Variants in UBA6 observed in about 807,000 individuals in gnomAD.
UBA6 encodes the protein ubiquitin-like modifier-activating enzyme 6.
Under a neutral mutation model 148.3 loss-of-function variants are expected in UBA6, and 87 were observed. That is an observed-to-expected ratio of 0.59 (90% CI 0.49 to 0.70). The LOEUF (loss-of-function observed/expected upper bound fraction) is 0.70, where lower values mean the gene tolerates loss of function less well. Among genes scored for constraint, UBA6 ranks in the 30% least tolerant of loss-of-function variants. UBA6 has a pLI of 0.00. For synonymous variants in UBA6, 376 were observed against 401.0 expected, an observed-to-expected ratio of 0.94 and a Z score of 0.75; for missense variants, 1,186 against 1,241.2, an observed-to-expected ratio of 0.96 and a Z score of 0.67.
intron 8 of UBA6, 148 bp downstream of exon 8, chr4:67,670,322 A>G (rs1420220683): frequency 1.5e-6 from 1 of 647,060 alleles, no homozygotes; most frequent in Admixed American, 3.0e-5. Context: ...TGCAGTCAAG[A>G]AATTAGCTAC....
At chr4:67,663,745 G>A in intron 11 of UBA6, 140 bp downstream of exon 11, 1 of 638,658 alleles carries the variant, frequency 1.6e-6, no homozygotes, top group South Asian at 2.1e-5. Flanking sequence ...AGATATGTGA[G>A]TATAACCTTT....
rs749308947 is a variant in UBA6, at chr4:67,665,171, CG to C, written c.897+17del. The C allele has an allele frequency of 1.3e-5, 19 of 1,479,380 alleles. No individual in the cohort carries two copies. In the Admixed American group the frequency reaches 2.6e-4, roughly 20 times the overall value. 91.6% of individuals were successfully genotyped at this position (1,479,380 alleles called of 1,614,324 possible). On this transcript the variant is annotated intron_variant, in intron 10 of 32. Coordinates refer to ENST00000322244, the MANE Select transcript of UBA6 (RefSeq NM_018227.6). ...TTCTGTAAAAAAATGTTTTTTAAGCCGAAAAAAAAATACTTACAAAAAAAAC... is the reference window on the plus strand; with the variant it reads ...TTCTGTAAAAAAATGTTTTTTAAGCCAAAAAAAAATACTTACAAAAAAAAC...
intron 17 of UBA6, among the ~76,000 whole-genome samples, chr4:67,641,752 C>G (rs998806851): frequency 6.6e-6 from 1 of 152,112 alleles, no homozygotes; most frequent in Non-Finnish European, 1.5e-5. Context: ...TAAGAATTGT[C>G]TACCGCAGTT....
rs906581122 is a variant in UBA6 at position 67,696,565 on chromosome 4, T to G, written c.134+80A>C. 12 of 1,096,064 alleles carry G rather than the reference T, an allele frequency of 1.1e-5. No homozygotes were observed. In the African/African-American group the frequency reaches 1.1e-4, roughly 10 times the overall value. The allele number at this position is 1,096,064 out of a possible 1,614,324, so 67.9% of individuals were successfully genotyped here. A position where few individuals can be genotyped will look rare whatever the true frequency, so the allele number is the denominator to read the frequency against. Reference sequence around the variant, plus strand: ...CACATATAATTCTGCATAGGCTGAATGGTATCTTCAAAGAGACTACTTGAT... The same window carrying G: ...CACATATAATTCTGCATAGGCTGAAGGGTATCTTCAAAGAGACTACTTGAT... On this transcript the variant is annotated intron_variant, in intron 2 of 32. Transcript: ENST00000322244.
chr4:67,629,020 CA>C, intron 27 of UBA6, 50 bp downstream of exon 27: 1 of 1,299,450 alleles, frequency 7.7e-7, no homozygotes, highest in Middle Eastern at 1.8e-4. Context: ...GGACTTGGTA[CA>C]AGTCCAAATT....
At chr4:67,686,681 A>T (rs1730572305) in intron 2 of UBA6, among the ~76,000 whole-genome samples, 1 of 151,886 alleles carries the variant, frequency 6.6e-6, no homozygotes. Context: ...GTAGGGTGCG[A>T]TGGCTCACAC....
intron 26 of UBA6, 45 bp downstream of exon 26, chr4:67,630,421 T>C (rs778958038): frequency 7.7e-7 from 1 of 1,297,558 alleles, no homozygotes; most frequent in East Asian, 2.4e-5. Context: ...CATCTAATTC[T>C]AATTTGGTTT....
intron 29 of UBA6, among the ~76,000 whole-genome samples, chr4:67,624,749 A>G (rs555007081): frequency 6.6e-6 from 1 of 152,232 alleles, no homozygotes; most frequent in African/African-American, 2.4e-5. Context: ...TGAAAAGATT[A>G]TTGCCTATAA....
chr4:67,680,153 G>A (rs367805801), intron 4 of UBA6, among the ~76,000 whole-genome samples: 17 of 152,180 alleles, frequency 1.1e-4, no homozygotes, highest in South Asian at 6.2e-4. Context: ...CCATACTTTC[G>A]TGAAACCAAG....
intron 29 of UBA6, among the ~76,000 whole-genome samples, 199 bp from the exon 30 acceptor site, chr4:67,624,452 C>G (rs1031528117): frequency 6.6e-6 from 1 of 152,060 alleles, no homozygotes; most frequent in African/African-American, 2.4e-5. Context: ...TCAACCTACT[C>G]TATACATGTT....
chr4:67,637,392 G>T (rs973671815), intron 19 of UBA6, among the ~76,000 whole-genome samples: 3 of 152,076 alleles, frequency 2.0e-5, no homozygotes, highest in South Asian at 2.1e-4. Context: ...CTTCTGGGAA[G>T]TGAGGAGCCC....
intron 13 of UBA6, among the ~76,000 whole-genome samples, chr4:67,658,108 TA>T (rs1260341671): frequency 1.3e-5 from 2 of 152,154 alleles, no homozygotes; most frequent in African/African-American, 4.8e-5. Flanking sequence ...GTAAATCAGT[TA>T]AACCATTGTG....
chr4:67,692,916 G>A (rs1312062398), intron 2 of UBA6, among the ~76,000 whole-genome samples: 6 of 152,200 alleles, frequency 3.9e-5, no homozygotes, highest in African/African-American at 1.4e-4. Context: ...GAAGGGTTCC[G>A]ACGATTCAAG....
At chr4:67,692,490 G>A (rs980173002) in intron 2 of UBA6, among the ~76,000 whole-genome samples, 7 of 152,168 alleles carry the variant, frequency 4.6e-5, no homozygotes, top group Admixed American at 3.9e-4. Context: ...GAGCATTGGA[G>A]GGAAAAGATA....
chr4:67,641,607 T>A (rs563211124), intron 17 of UBA6, among the ~76,000 whole-genome samples: 1 of 152,296 alleles, frequency 6.6e-6, no homozygotes, highest in South Asian at 2.1e-4. Context: ...GGAAGAATGC[T>A]TATATGTATC....
At chr4:67,675,847 G>T (rs979594033) in intron 6 of UBA6, among the ~76,000 whole-genome samples, 2 of 152,002 alleles carry the variant, frequency 1.3e-5, no homozygotes, top group African/African-American at 4.8e-5. Context: ...GTTGACTCTT[G>T]GTCATATTGA....
At chr4:67,646,357 G>C (rs1281502935) in intron 15 of UBA6, among the ~76,000 whole-genome samples, 2 of 152,028 alleles carry the variant, frequency 1.3e-5, no homozygotes, top group African/African-American at 4.8e-5. Context: ...CAGAAATTTG[G>C]GTTATGTGTA....
intron 6 of UBA6, 40 bp from the exon 7 acceptor site, chr4:67,673,817 A>C: frequency 7.0e-7 from 1 of 1,438,292 alleles, no homozygotes. Flanking sequence ...GAAAATACAT[A>C]ATTATTTTTT....
chr4:67,686,933 A>AACATCAAG (rs1730579251), intron 2 of UBA6, among the ~76,000 whole-genome samples: 1 of 117,384 alleles, frequency 8.5e-6, no homozygotes. Context: ...AAGCCTGGGC[A>AACATCAAG]ACAGCAAGAT....
Sources: gnomAD v4.1 joint callset for allele counts (sites outside exome capture counted in the v4.1 genomes callset) on GRCh38, gnomAD v4.1.1 for gene constraint, MANE v1.5 for transcripts, NCBI Gene and HGNC (gene_info 2026-07-23, HGNC 2026-07-21) for gene names.